Variants in TTLL7 observed in about 807,000 individuals in gnomAD.
TTLL7 encodes the protein tubulin polyglutamylase TTLL7.
Under a neutral mutation model 120.2 loss-of-function variants are expected in TTLL7, and 53 were observed. That is an observed-to-expected ratio of 0.44 (90% CI 0.35 to 0.55). TTLL7 has a LOEUF of 0.55. Among genes scored for constraint, TTLL7 ranks in the 20% least tolerant of loss-of-function variants. TTLL7 has a pLI of 0.00. For synonymous variants in TTLL7, 353 were observed against 351.7 expected (o/e 1.00, Z -0.04); for missense variants, 803 against 1,054.7 (o/e 0.76, Z 3.31).
intron 10 of TTLL7, among the ~76,000 whole-genome samples, chr1:83,926,903 T>C (rs924814911): frequency 5.9e-5 from 9 of 152,202 alleles, no homozygotes; most frequent in African/African-American, 1.2e-4. Context: ...CACAGAATGA[T>C]TGGATTTTCC....
chr1:83,912,982 T>C (rs1209399375), intron 14 of TTLL7: 2 of 152,196 alleles, frequency 1.3e-5, no homozygotes, highest in Non-Finnish European at 2.9e-5. Flanking sequence ...CCTTCCTTCA[T>C]GTAGCAAACA....
intron 1 of TTLL7, among the ~76,000 whole-genome samples, chr1:83,981,755 C>T (rs898924094): frequency 4.0e-5 from 6 of 151,790 alleles, no homozygotes; most frequent in Admixed American, 1.3e-4. Context: ...TGGTGTGAAC[C>T]CGGGGGCGGA....
chr1:83,983,953 T>C (rs1209727189), intron 1 of TTLL7: 4 of 152,158 alleles, frequency 2.6e-5, no homozygotes, highest in African/African-American at 9.7e-5. Flanking sequence ...TAGCTGAGTA[T>C]GGTGGTGTGC....
chr1:83,978,288 C>T (rs895441791), intron 1 of TTLL7, among the ~76,000 whole-genome samples: 1 of 152,104 alleles, frequency 6.6e-6, no homozygotes, highest in Non-Finnish European at 1.5e-5. Flanking sequence ...ACTGATGAAG[C>T]TTTTCTTTCT....
At chr1:83,920,285 A>G (rs1429770611) in intron 12 of TTLL7, among the ~76,000 whole-genome samples, 2 of 152,106 alleles carry the variant, frequency 1.3e-5, no homozygotes, top group Admixed American at 1.3e-4. Context: ...TGATTGGGCA[A>G]ATTGGAGAAA....
rs560703646 is a variant in TTLL7 at position 83,866,752 on chromosome 1, A to G, written c.*3210T>C. 6.6e-6 allele frequency: 1 copy of G among 152,062 alleles called. No individual in the cohort carries two copies. The highest frequency in any genetic ancestry group is 2.1e-4 in the South Asian group (1 of 4,834). 9.4% of individuals were successfully genotyped at this position (152,062 alleles called of 1,614,324 possible). ...TAAATGCAATGCTACTAAAATAAAA[A>G]TTTGTTGCTAGTAAAATTAATCAAA... On this transcript the variant is annotated 3_prime_UTR_variant, in exon 21 of 21. Transcript: ENST00000260505.
intron 1 of TTLL7, among the ~76,000 whole-genome samples, chr1:83,994,312 C>T (rs1255901572): frequency 6.6e-6 from 1 of 152,216 alleles, no homozygotes; most frequent in African/African-American, 2.4e-5. Flanking sequence ...TCCACTGGCT[C>T]TCATAGACAC....
At position 83,930,555 on chromosome 1, in the gene TTLL7, G is replaced by T. The variant is rs7541211; in HGVS notation, c.1048-1325C>A. 1.0e-2 allele frequency among the ~76,000 whole-genome samples: 1,515 copies of T among 152,250 alleles called. 27 individuals carry two copies. The highest frequency in any genetic ancestry group is 0.035 in the African/African-American group (1,447 of 41,536). ...AAGCTCTAAGCATTTCCCTTTGCAA[G>T]TGCAAAGAAAGGGTAAAGTAATATA... On this transcript the variant is annotated intron_variant, in intron 9 of 20. Coordinates refer to ENST00000260505, the MANE Select transcript of TTLL7 (RefSeq NM_024686.6).
At chr1:83,956,336 G>A (rs1002622016) in intron 1 of TTLL7, among the ~76,000 whole-genome samples, 1 of 150,926 alleles carries the variant, frequency 6.6e-6, no homozygotes, top group Non-Finnish European at 1.5e-5. Context: ...TGTTGACCAG[G>A]CTGGTCTCAA....
intron 1 of TTLL7, among the ~76,000 whole-genome samples, chr1:83,982,932 G>A (rs1178316601): frequency 6.6e-6 from 1 of 152,138 alleles, no homozygotes; most frequent in East Asian, 1.9e-4. Context: ...AAATAGCATG[G>A]TAATGGTAGA....
intron 14 of TTLL7, among the ~76,000 whole-genome samples, chr1:83,913,271 A>T (rs1657831798): frequency 6.6e-6 from 1 of 152,168 alleles, no homozygotes; most frequent in African/African-American, 2.4e-5. Context: ...GGCTATATAT[A>T]AAAAATGTAT....
intron 8 of TTLL7, among the ~76,000 whole-genome samples, chr1:83,936,565 G>T (rs1355877402): frequency 6.6e-6 from 1 of 152,096 alleles, no homozygotes; most frequent in African/African-American, 2.4e-5. Flanking sequence ...CACAAAATTA[G>T]CCTTGAGAAA....
At chr1:83,941,746 C>T (rs1647987648) in intron 7 of TTLL7, among the ~76,000 whole-genome samples, 1 of 152,026 alleles carries the variant, frequency 6.6e-6, no homozygotes, top group African/African-American at 2.4e-5. Flanking sequence ...CTTTCATAAG[C>T]TACAAATTAT....
intron 18 of TTLL7, among the ~76,000 whole-genome samples, chr1:83,902,791 A>C (rs1187177758): frequency 6.6e-6 from 1 of 151,862 alleles, no homozygotes; most frequent in Non-Finnish European, 1.5e-5. Flanking sequence ...CTCTTATACA[A>C]CTACACACTC....
At chr1:83,880,954 G>A (rs1005949479) in intron 20 of TTLL7, among the ~76,000 whole-genome samples, 14 of 152,074 alleles carry the variant, frequency 9.2e-5, no homozygotes, top group Non-Finnish European at 1.8e-4. Context: ...ACAACTATCC[G>A]ATCTTTGAGA....
chr1:83,893,138 C>T lies in TTLL7; in HGVS notation c.2209-2657G>A, dbSNP rs115791042. ...TTCCAAGAACCTAGCTTTTGATTTG[C>T]GTGTTGGGTTCACAGGTGGTATAAT... On this transcript the variant is annotated intron_variant, in intron 18 of 20. Transcript: ENST00000260505. 7.2e-3 allele frequency among the ~76,000 whole-genome samples: 1,095 copies of T among 151,422 alleles called. 20 individuals carry two copies. Among genetic ancestry groups the T allele is most frequent in the African/African-American group, 0.025 (1,047 of 41,340 alleles).
At chr1:83,878,658 A>G (rs1211334920) in intron 20 of TTLL7, among the ~76,000 whole-genome samples, 2 of 152,026 alleles carry the variant, frequency 1.3e-5, no homozygotes, top group East Asian at 3.9e-4. Flanking sequence ...GGATTTATCC[A>G]AATATTTAAT....
At chr1:83,899,648 C>A (rs980417) in intron 18 of TTLL7, among the ~76,000 whole-genome samples, 78,631 of 151,672 alleles carry the variant, frequency 0.52, 20,933 homozygotes, top group Non-Finnish European at 0.59. Flanking sequence ...ACAAGCTTTT[C>A]CTGAAGACTG....
rs755411200 is a variant in TTLL7 at position 83,911,371 on chromosome 1, A to T, written c.1588-8T>A. The T allele has an allele frequency of 1.3e-6, 2 of 1,592,346 alleles. No homozygotes were observed. Among genetic ancestry groups the T allele is most frequent in the Non-Finnish European group, 1.7e-6 (2 of 1,169,774 alleles). ...AGGCATAGAACACAGAGGCTAAAAA[A>T]GATGGAAATGTGTTATTTTGTTAGA... On this transcript the variant is annotated splice_polypyrimidine_tract_variant and splice_region_variant and intron_variant, in intron 14 of 20. Transcript: ENST00000260505.
Sources: gnomAD v4.1 joint callset for allele counts (sites outside exome capture counted in the v4.1 genomes callset) on GRCh38, gnomAD v4.1.1 for gene constraint, MANE v1.5 for transcripts, NCBI Gene and HGNC (gene_info 2026-07-23, HGNC 2026-07-21) for gene names.